RADIL: variants seen among roughly 807,000 people sequenced by gnomAD.
The protein encoded by RADIL is Rap associating with DIL domain.
Under a neutral mutation model 97.6 loss-of-function variants are expected in RADIL, and 99 were observed. That is an observed-to-expected ratio of 1.01 (90% confidence interval 0.86 to 1.20). The LOEUF is 1.20. Ranked by LOEUF, RADIL falls within the 50% of genes most tolerant of loss-of-function variation. The pLI is 0.00. For missense variants in RADIL, 1,765 were observed against 1,498.9 expected (o/e 1.18, Z -2.93); for synonymous variants, 803 against 691.8 (o/e 1.16, Z -2.52).
intron 2 of RADIL, among the ~76,000 whole-genome samples, chr7:4,874,764 G>A (rs1438798218): frequency 6.6e-6 from 1 of 150,764 alleles, no homozygotes; most frequent in Non-Finnish European, 1.5e-5. Flanking sequence ...TCCAAAAGAA[G>A]TGCATGAGCT....
intron 2 of RADIL, chr7:4,860,380 C>A (rs918742845): frequency 6.2e-7 from 1 of 1,613,972 alleles, no homozygotes; most frequent in Admixed American, 1.7e-5. Context: ...CCATCTCAAA[C>A]ATCTTACTAT....
intron 9 of RADIL, chr7:4,809,703 G>A (rs1782483057): frequency 2.2e-6 from 2 of 913,654 alleles, no homozygotes; most frequent in Admixed American, 6.2e-5. Context: ...TTTATTTAGA[G>A]ACGGGGTTTC....
chr7:4,805,165 G>A lies in RADIL; in HGVS notation c.2290+401C>T, dbSNP rs75061571. ...CATGTATGCGCACACAGACCCCTCCGTATGGACATGTGTGTGTGCGTGTGC... is the reference window on the plus strand; with the variant it reads ...CATGTATGCGCACACAGACCCCTCCATATGGACATGTGTGTGTGCGTGTGC... On this transcript the variant is annotated intron_variant, in intron 10 of 14. Coordinates refer to ENST00000399583, the MANE Select transcript of RADIL (RefSeq NM_018059.5). The A allele has an allele frequency of 2.0e-3, 404 of 203,930 alleles. 4 individuals are homozygous for A. The highest frequency in any genetic ancestry group is 8.0e-3 in the African/African-American group (347 of 43,640). The allele number at this position is 203,930 out of a possible 1,614,324, so 12.6% of individuals were successfully genotyped here. A position where few individuals can be genotyped will look rare whatever the true frequency, so the allele number is the denominator to read the frequency against.
chr7:4,869,937 GC>G (rs1202207103), intron 2 of RADIL, among the ~76,000 whole-genome samples: 1 of 152,190 alleles, frequency 6.6e-6, no homozygotes, highest in East Asian at 1.9e-4. Flanking sequence ...TCAAGACCAT[GC>G]TGGGCAACAT....
At chr7:4,832,489 A>G (rs572395114) in intron 4 of RADIL, among the ~76,000 whole-genome samples, 1 of 152,340 alleles carries the variant, frequency 6.6e-6, no homozygotes, top group South Asian at 2.1e-4. Flanking sequence ...CTGGAATCCC[A>G]GCACTTTGGG....
rs1362700566 is a variant in RADIL at position 4,854,354 on chromosome 7, T to C, written c.536-17749A>G. Among the ~76,000 whole-genome samples the C allele has an allele frequency of 6.6e-6, 1 of 152,194 alleles. No homozygotes were observed. On this transcript the variant is annotated intron_variant, in intron 2 of 14. Transcript: ENST00000399583. This position sits in a 1 kb window ranked among gnomAD's most constrained non-coding sequence, Gnocchi z 5.1. ...AGGTGGGGTTTTCTGTTTGCTTTTGTTTCTGGGGAGGGTGGTGTTTGGTTT... is the reference window on the plus strand; with the variant it reads ...AGGTGGGGTTTTCTGTTTGCTTTTGCTTCTGGGGAGGGTGGTGTTTGGTTT...
At chr7:4,853,691 G>A (rs111974151) in intron 2 of RADIL, among the ~76,000 whole-genome samples, 3,951 of 145,396 alleles carry the variant, frequency 0.027, 165 homozygotes, top group African/African-American at 0.095. Flanking sequence ...GTGGTGAGCC[G>A]AGATCACGCC....
intron 9 of RADIL, chr7:4,809,251 CCAAGCTGGGCGA>C (rs1782463958): frequency 1.0e-6 from 1 of 985,370 alleles, no homozygotes; most frequent in African/African-American, 1.7e-5. Flanking sequence ...GGCCTGGCCG[CCAAGCTGGGCGA>C]GAGGCCGGGG....
chr7:4,868,459 G>A (rs1418676020), intron 2 of RADIL, among the ~76,000 whole-genome samples: 5 of 152,128 alleles, frequency 3.3e-5, no homozygotes, highest in African/African-American at 1.2e-4. Flanking sequence ...TGTACTAGAG[G>A]GTGCAAAGCC....
chr7:4,799,328 C>CACCAGGTGGG lies in RADIL; in HGVS notation c.*40_*49dup. ...ACGAAGGCGGGAGGAAGCCCAGTGT[C>CACCAGGTGGG]ACCAGGTGGGACCGGGTGCCGGGCC... On this transcript the variant is annotated 3_prime_UTR_variant, in exon 15 of 15. Coordinates refer to ENST00000399583, the MANE Select transcript of RADIL (RefSeq NM_018059.5). 6.3e-7 allele frequency: 1 copy of CACCAGGTGGG among 1,582,236 alleles called. No individual in the cohort carries two copies. Among genetic ancestry groups the CACCAGGTGGG allele is most frequent in the Admixed American group, 1.7e-5 (1 of 59,690 alleles).
chr7:4,831,513 C>G (rs1314723737), intron 5 of RADIL, among the ~76,000 whole-genome samples: 3 of 149,340 alleles, frequency 2.0e-5, no homozygotes, highest in Non-Finnish European at 3.0e-5. Context: ...CAAAGCTGCA[C>G]TCGTACCCCT....
At chr7:4,816,185 G>A in intron 8 of RADIL, 43 bp downstream of exon 8, 1 of 1,560,922 alleles carries the variant, frequency 6.4e-7, no homozygotes, top group African/African-American at 1.4e-5. Context: ...TCATGTCCAG[G>A]AATGTGAGCC....
intron 2 of RADIL, among the ~76,000 whole-genome samples, chr7:4,851,929 A>G (rs1216032804): frequency 1.3e-5 from 2 of 152,246 alleles, no homozygotes; most frequent in African/African-American, 4.8e-5. Context: ...ACCTGGCCAC[A>G]TAAATGACTC....
chr7:4,799,852 C>G (rs1782019815), intron 13 of RADIL, 83 bp from the exon 14 acceptor site: 2 of 1,431,546 alleles, frequency 1.4e-6, no homozygotes, highest in Non-Finnish European at 1.8e-6. Flanking sequence ...TCCCTTGGCA[C>G]CTACAGGCCC....
At position 4,817,231 on chromosome 7, in the gene RADIL, C is replaced by T; in HGVS notation, c.1728+8G>A. On this transcript the variant is annotated splice_region_variant and intron_variant, in intron 7 of 14. Transcript: ENST00000399583. The surrounding 1 kb of genome is among the most constrained non-coding windows in gnomAD (Gnocchi z 8.3). The stretch of plus-strand genomic sequence containing the variant: ...GCCTGAGTGCAGAAGCAGAGCCCGT[C>T]CGTGCACCTTGGAGACATAGTAGAC... The T allele has an allele frequency of 6.2e-7, 1 of 1,607,238 alleles. No homozygotes were observed. Among genetic ancestry groups the T allele is most frequent in the Non-Finnish European group, 8.5e-7 (1 of 1,176,018 alleles).
intron 5 of RADIL, among the ~76,000 whole-genome samples, chr7:4,825,894 A>C (rs1343647014): frequency 1.3e-4 from 19 of 147,124 alleles, no homozygotes; most frequent in Non-Finnish European, 1.5e-5. Context: ...AAAAAAAAAA[A>C]AAAAAAAAAA....
chr7:4,834,488 C>T lies in RADIL; in HGVS notation c.1416+119G>A. On this transcript the variant is annotated intron_variant, in intron 4 of 14. Transcript: ENST00000399583. This position sits in a 1 kb window ranked among gnomAD's most constrained non-coding sequence, Gnocchi z 6.0. Reference sequence around the variant, plus strand: ...CAGGGAAAGGCCGCCCTGCGCTCAGCAGCACAGCACCGTGGGGGTCAGATA... The same window carrying T: ...CAGGGAAAGGCCGCCCTGCGCTCAGTAGCACAGCACCGTGGGGGTCAGATA... The T allele has an allele frequency of 8.7e-7, 1 of 1,151,414 alleles. No homozygotes were observed. The highest frequency in any genetic ancestry group is 1.1e-6 in the Non-Finnish European group (1 of 914,074). 71.3% of individuals were successfully genotyped at this position (1,151,414 alleles called of 1,614,324 possible). A position where few individuals can be genotyped will look rare whatever the true frequency, so the allele number is the denominator to read the frequency against.
rs373342102 is a variant in RADIL at position 4,877,997 on chromosome 7, G to A, written c.143C>T (p.Ala48Val). The part of the protein sequence containing the change: ...DLDSTFSSLG[A>V]SDDPAELSTQ... ...GGAGAGCTCGGCGGGGTCATCGCTGGCGCCCAGGCTGGAGAAGGTGGAGTC... is the reference window on the plus strand; with the variant it reads ...GGAGAGCTCGGCGGGGTCATCGCTGACGCCCAGGCTGGAGAAGGTGGAGTC... The change falls in exon 2 of 15, where the codon GCC becomes GTC. Residue 48 changes from alanine (A) to valine (V), a missense_variant. Ala to Val is a moderately conservative substitution (Grantham distance 64). Coordinates refer to ENST00000399583, the MANE Select transcript of RADIL (RefSeq NM_018059.5). 21 of 1,609,548 alleles carry A rather than the reference G, an allele frequency of 1.3e-5. No homozygotes were observed. Among genetic ancestry groups the A allele is most frequent in the Non-Finnish European group, 1.8e-5 (21 of 1,178,936 alleles).
At position 4,816,259 on chromosome 7, in the gene RADIL, C is replaced by G; in HGVS notation, c.1935G>C (p.Gly645=). The G allele has an allele frequency of 6.2e-7, 1 of 1,612,570 alleles. No homozygotes were observed. ...QMLAYLFFFS[G]TLLLNQLLDR... Reference sequence around the variant, plus strand: ...CGAGGAGCTGGTTGAGAAGCAGTGTCCCGGAGAAGAAGAAGAGGTAGGCGA... The same window carrying G: ...CGAGGAGCTGGTTGAGAAGCAGTGTGCCGGAGAAGAAGAAGAGGTAGGCGA... The change falls in exon 8 of 15, where the codon GGG becomes GGC. Residue 645 remains glycine, a synonymous_variant. Coordinates refer to ENST00000399583, the MANE Select transcript of RADIL (RefSeq NM_018059.5).
Sources: allele counts gnomAD v4.1 joint callset (sites outside exome capture counted in the v4.1 genomes callset), GRCh38; gene constraint gnomAD v4.1.1; non-coding constraint Gnocchi (gnomAD v3.1); transcripts MANE v1.5; gene names NCBI Gene and HGNC (gene_info 2026-07-23, HGNC 2026-07-21).